Variants in CCDC39 observed in about 807,000 individuals in gnomAD.
The protein encoded by CCDC39 is coiled-coil domain-containing protein 39.
Under a neutral mutation model 121.0 loss-of-function variants are expected in CCDC39, and 113 were observed. That is an observed-to-expected ratio of 0.93 (90% CI 0.80 to 1.09). The LOEUF (loss-of-function observed/expected upper bound fraction) is 1.09, where lower values mean the gene tolerates loss of function less well. CCDC39 is among the 50% of genes least tolerant of loss of function. The pLI, the probability that CCDC39 is intolerant of heterozygous loss-of-function variation, is 0.00. For missense variants in CCDC39, 1,063 were observed against 1,074.7 expected (o/e 0.99, Z 0.15); for synonymous variants, 349 against 352.2 (o/e 0.99, Z 0.10).
At chr3:180,653,267 C>T (rs1405326400) in intron 7 of CCDC39, among the ~76,000 whole-genome samples, 3 of 152,138 alleles carry the variant, frequency 2.0e-5, no homozygotes, top group African/African-American at 7.2e-5. Context: ...TGTACAAAAC[C>T]CTTCTACAAA....
intron 14 of CCDC39, 51 bp downstream of exon 14, chr3:180,631,418 G>C (rs895509613): frequency 1.3e-6 from 2 of 1,491,102 alleles, no homozygotes; most frequent in South Asian, 2.4e-5. Flanking sequence ...TGATGAATGA[G>C]TTAACAAAGA....
intron 13 of CCDC39, among the ~76,000 whole-genome samples, chr3:180,635,327 C>T (rs112520241): frequency 6.6e-6 from 1 of 152,090 alleles, no homozygotes; most frequent in African/African-American, 2.4e-5. Flanking sequence ...TCCCAAATCT[C>T]ATGTCCTCAC....
intron 1 of CCDC39, among the ~76,000 whole-genome samples, chr3:180,678,031 T>C (rs1037037653): frequency 6.6e-6 from 1 of 152,176 alleles, no homozygotes; most frequent in Admixed American, 6.5e-5. Flanking sequence ...GTGTGACACA[T>C]ATTATGGCAA....
intron 12 of CCDC39, 52 bp from the exon 13 acceptor site, chr3:180,642,253 C>T (rs1474047630): frequency 2.4e-6 from 3 of 1,255,592 alleles, no homozygotes; most frequent in African/African-American, 3.1e-5. Flanking sequence ...AATTGCAAAA[C>T]CAAAATTTTT....
Position 180,661,985 on chromosome 3 carries a change from C to G in CCDC39, c.233G>C (p.Arg78Pro). The change falls in exon 3 of 20, where the codon CGT becomes CCT. Residue 78 changes from arginine (R) to proline (P), a missense_variant. Transcript: ENST00000476379. ...AAAATGTTCTTCACTTTCAGTCTCA[C>G]GCTCCCTTGCTTTGCAAAGAGACTA... Reference protein sequence around the residue: ...ITQSLCKARERETESEEHFKA... With the variant: ...ITQSLCKAREPETESEEHFKA... The G allele has an allele frequency of 6.4e-7, 1 of 1,553,014 alleles. No individual in the cohort carries two copies. Among genetic ancestry groups the G allele is most frequent in the Non-Finnish European group, 8.7e-7 (1 of 1,147,500 alleles).
intron 1 of CCDC39, among the ~76,000 whole-genome samples, chr3:180,673,083 G>T (rs913151522): frequency 1.8e-4 from 28 of 152,296 alleles, no homozygotes; most frequent in Admixed American, 9.8e-4. Flanking sequence ...AACAGATGAG[G>T]AGTTGTCTCT....
chr3:180,655,970 T>C (rs750082213), intron 6 of CCDC39, among the ~76,000 whole-genome samples: 20 of 152,096 alleles, frequency 1.3e-4, no homozygotes, highest in African/African-American at 3.1e-4. Context: ...TCACAGGAGA[T>C]TGGGGGAGGA....
At position 180,616,498 on chromosome 3, in the gene CCDC39, T is replaced by C. The variant is rs530929962; in HGVS notation, c.2586+18A>G. The C allele has an allele frequency of 2.6e-6, 4 of 1,515,244 alleles. 1 individual carries two copies. In the Admixed American group the frequency reaches 6.8e-5, roughly 26 times the overall value. 93.9% of individuals were successfully genotyped at this position (1,515,244 alleles called of 1,614,324 possible). On this transcript the variant is annotated intron_variant, in intron 18 of 19. Transcript: ENST00000476379. ...CATGAAGTTTTTAAGAAATATTTAA[T>C]AGAAGGTGCTGTATTACCTGTTGAA...
chr3:180,643,255 G>A (rs1029154853), intron 12 of CCDC39, among the ~76,000 whole-genome samples: 2 of 151,866 alleles, frequency 1.3e-5, no homozygotes, highest in African/African-American at 2.4e-5. Flanking sequence ...CACCGTGCCC[G>A]GCCGACAGAG....
chr3:180,620,008 T>G, intron 14 of CCDC39, 38 bp from the exon 15 acceptor site: 1 of 1,496,264 alleles, frequency 6.7e-7, no homozygotes, highest in Non-Finnish European at 9.0e-7. Flanking sequence ...AATAAAAGCA[T>G]TTACTATGGG....
chr3:180,624,728 T>A (rs1321591141), intron 14 of CCDC39, among the ~76,000 whole-genome samples: 1 of 152,240 alleles, frequency 6.6e-6, no homozygotes, highest in Non-Finnish European at 1.5e-5. Context: ...TATTTCTTCT[T>A]CCTTTATGAA....
intron 1 of CCDC39, among the ~76,000 whole-genome samples, chr3:180,674,085 C>T (rs556707067): frequency 2.0e-5 from 3 of 152,094 alleles, no homozygotes; most frequent in Non-Finnish European, 2.9e-5. Flanking sequence ...GCCATTTTCA[C>T]GATATTGATT....
rs1712319000 is a variant in CCDC39 at position 180,679,107 on chromosome 3, A to G, written c.90+184T>C. Among the ~76,000 whole-genome samples the G allele has an allele frequency of 6.6e-6, 1 of 152,158 alleles. No homozygotes were observed. The highest frequency in any genetic ancestry group is 1.5e-5 in the Non-Finnish European group (1 of 68,042). On this transcript the variant is annotated intron_variant, in intron 1 of 19. Coordinates refer to ENST00000476379, the MANE Select transcript of CCDC39 (RefSeq NM_181426.2). This position sits in a 1 kb window ranked among gnomAD's most constrained non-coding sequence, Gnocchi z 4.0. The stretch of plus-strand genomic sequence containing the variant: ...ATTATGGTTTTAATAGCATTTTTAA[A>G]TGCTTAACAATTACTGAAATAGGCA...
chr3:180,645,011 T>C (rs935947823), intron 11 of CCDC39, among the ~76,000 whole-genome samples: 1 of 152,148 alleles, frequency 6.6e-6, no homozygotes, highest in Non-Finnish European at 1.5e-5. Context: ...TGAGAAACCA[T>C]AGGGTGCTGG....
At chr3:180,616,255 A>T in intron 19 of CCDC39, 26 bp downstream of exon 19, 1 of 1,600,986 alleles carries the variant, frequency 6.2e-7, no homozygotes, top group Admixed American at 1.7e-5. Context: ...AGAGTTAAGC[A>T]GATTTTTTTT....
chr3:180,652,636 T>G (rs1270639231), intron 7 of CCDC39, among the ~76,000 whole-genome samples: 1 of 152,150 alleles, frequency 6.6e-6, no homozygotes, highest in Admixed American at 6.5e-5. Flanking sequence ...AAGATTCTAA[T>G]ATATCAGACT....
At chr3:180,677,146 A>T (rs1451613980) in intron 1 of CCDC39, among the ~76,000 whole-genome samples, 11 of 110,962 alleles carry the variant, frequency 9.9e-5, no homozygotes, top group Non-Finnish European at 1.8e-4. Context: ...AAAGTATTAT[A>T]ATAATAATAA....
chr3:180,636,224 G>C (rs1242574006), intron 13 of CCDC39, among the ~76,000 whole-genome samples: 1 of 152,102 alleles, frequency 6.6e-6, no homozygotes, highest in Non-Finnish European at 1.5e-5. Context: ...CAGCCCAAAA[G>C]CTGCTTCAGC....
chr3:180,665,500 A>G (rs926411046), intron 1 of CCDC39, among the ~76,000 whole-genome samples: 1 of 152,152 alleles, frequency 6.6e-6, no homozygotes, highest in Non-Finnish European at 1.5e-5. Context: ...ACTCATTTGT[A>G]TGTCCTATAC....
Sources: allele counts gnomAD v4.1 joint callset (sites outside exome capture counted in the v4.1 genomes callset), GRCh38; gene constraint gnomAD v4.1.1; non-coding constraint Gnocchi (gnomAD v3.1); transcripts MANE v1.5; gene names NCBI Gene and HGNC (gene_info 2026-07-23, HGNC 2026-07-21).